Variants in CNTN1 observed in about 807,000 individuals in gnomAD.
CNTN1 encodes the protein contactin 1, also known as contactin-1.
Under a neutral mutation model 126.4 loss-of-function variants are expected in CNTN1, and 38 were observed. The observed-to-expected ratio is 0.30, with a 90% CI of 0.23 to 0.39. The LOEUF (loss-of-function observed/expected upper bound fraction) is 0.39. Among genes scored for constraint, CNTN1 ranks in the 10% least tolerant of loss-of-function variants. The probability of loss-of-function intolerance (pLI) is 1.00; values close to 1 mark genes in which losing one functional copy is unlikely to be tolerated. For missense variants in CNTN1, 1,009 were observed against 1,248.4 expected, an observed-to-expected ratio of 0.81 and a Z score of 2.89; for synonymous variants, 413 against 422.6, an observed-to-expected ratio of 0.98 and a Z score of 0.28.
At chr12:40,974,047 C>T (rs545715813) in intron 15 of CNTN1, among the ~76,000 whole-genome samples, 3 of 152,214 alleles carry the variant, frequency 2.0e-5, no homozygotes, top group Admixed American at 6.6e-5. Flanking sequence ...AATGTTACTA[C>T]ATTTTTAAAG....
intron 1 of CNTN1, among the ~76,000 whole-genome samples, chr12:40,824,289 A>G (rs1465046253): frequency 1.3e-5 from 2 of 152,118 alleles, no homozygotes; most frequent in African/African-American, 2.4e-5. Context: ...CTCAAAGCTT[A>G]TCATGTAATG....
At chr12:40,852,349 G>A (rs977493982) in intron 1 of CNTN1, among the ~76,000 whole-genome samples, 10 of 152,168 alleles carry the variant, frequency 6.6e-5, no homozygotes, top group Non-Finnish European at 1.3e-4. Context: ...GTTCAGAGAA[G>A]TTGGCTTTTG....
chr12:40,707,027 CGT>C (rs1941760663), intron 1 of CNTN1, among the ~76,000 whole-genome samples: 1 of 143,616 alleles, frequency 7.0e-6, no homozygotes, highest in Admixed American at 6.9e-5. Context: ...CATATAAAGA[CGT>C]GCGCGCGCGC....
chr12:40,742,511 T>C (rs1053757403), intron 1 of CNTN1: 1 of 151,972 alleles, frequency 6.6e-6, no homozygotes, highest in Non-Finnish European at 1.5e-5. Flanking sequence ...CTCTTTCATC[T>C]TTCTTCTTTA....
chr12:40,846,175 G>T (rs1284990488), intron 1 of CNTN1, among the ~76,000 whole-genome samples: 2 of 152,006 alleles, frequency 1.3e-5, no homozygotes, highest in Non-Finnish European at 2.9e-5. Context: ...TAAATAAATG[G>T]CAGGGATTGG....
chr12:40,828,079 T>A (rs539781182), intron 1 of CNTN1: 1 of 152,174 alleles, frequency 6.6e-6, no homozygotes, highest in Non-Finnish European at 1.5e-5. Flanking sequence ...AAAGTATTGC[T>A]ATGTAGACAG....
chr12:40,906,229 C>A (rs1489140691), intron 1 of CNTN1, among the ~76,000 whole-genome samples: 1 of 152,134 alleles, frequency 6.6e-6, no homozygotes. Flanking sequence ...CGAGACTGCA[C>A]CACTGCACTC....
At position 40,885,364 on chromosome 12, in the gene CNTN1, A is replaced by T. The variant is rs140585258; in HGVS notation, c.-76-22993A>T. Among the ~76,000 whole-genome samples the T allele has an allele frequency of 8.4e-3, 1,276 of 152,050 alleles. 10 individuals are homozygous for T. The highest frequency in any genetic ancestry group is 0.014 in the Non-Finnish European group (943 of 67,824). On this transcript the variant is annotated intron_variant, in intron 1 of 23. Transcript: ENST00000551295. ...ATAGAATCTGTTTGTTCTGTAAAGA[A>T]CACCATTTTTTATGAAGTTTTTATT...
intron 1 of CNTN1, among the ~76,000 whole-genome samples, chr12:40,780,686 G>A (rs374014417): frequency 0.013 from 1,630 of 127,786 alleles, no homozygotes; most frequent in Non-Finnish European, 0.016. Flanking sequence ...TTCCATCTAA[G>A]AAAAAAAAAA....
intron 17 of CNTN1, among the ~76,000 whole-genome samples, chr12:41,004,750 A>G (rs1436402740): frequency 1.3e-5 from 2 of 152,342 alleles, no homozygotes; most frequent in Non-Finnish European, 2.9e-5. Context: ...CTAGGATTGC[A>G]AACCCTACTT....
Position 40,822,148 on chromosome 12 carries a change from C to CTTTTTTT in CNTN1, c.-76-86191_-76-86185dup, listed in dbSNP as rs777953120. Among the ~76,000 whole-genome samples, 53 of 47,262 alleles carry CTTTTTTT rather than the reference C, an allele frequency of 1.1e-3. 7 individuals are homozygous for CTTTTTTT. Among genetic ancestry groups the CTTTTTTT allele is most frequent in the East Asian group, 3.7e-3 (4 of 1,068 alleles). 31.0% of individuals were successfully genotyped at this position (47,262 alleles called of 152,430 possible). ...TTTCCAGTCTAGACAAAATATAAAT[C>CTTTTTTT]TTTTTTTTTTTTTTTTTTTTTTTTG... On this transcript the variant is annotated intron_variant, in intron 1 of 23. Coordinates refer to ENST00000551295, the MANE Select transcript of CNTN1 (RefSeq NM_001843.4).
chr12:40,734,154 T>C (rs1942563055), intron 1 of CNTN1, among the ~76,000 whole-genome samples: 2 of 152,152 alleles, frequency 1.3e-5, no homozygotes, highest in East Asian at 3.9e-4. Flanking sequence ...CTGCTTTATG[T>C]AATTGCTGTC....
At position 40,813,093 on chromosome 12, in the gene CNTN1, TTC is replaced by T. The variant is rs768441651; in HGVS notation, c.-76-95260_-76-95259del. ...TTCCTTCCTTCCTTCCTTCCTTTCT[TTC>T]TCTTTCTTTTTTTCTTTCTTTCTTT... On this transcript the variant is annotated intron_variant, in intron 1 of 23. Coordinates refer to ENST00000551295, the MANE Select transcript of CNTN1 (RefSeq NM_001843.4). Among the ~76,000 whole-genome samples the T allele has an allele frequency of 4.6e-4, 67 of 146,152 alleles. No individual in the cohort carries two copies. The South Asian group carries it at 4.8e-3, about 11-fold the overall frequency.
intron 1 of CNTN1, among the ~76,000 whole-genome samples, chr12:40,707,164 T>G (rs1044238066): frequency 6.6e-6 from 1 of 151,648 alleles, no homozygotes; most frequent in African/African-American, 2.4e-5. Flanking sequence ...CCATCACCAT[T>G]ACTTCTTTCT....
intron 17 of CNTN1, among the ~76,000 whole-genome samples, chr12:41,010,360 C>T (rs535865950): frequency 9.8e-5 from 15 of 152,330 alleles, no homozygotes; most frequent in Admixed American, 5.2e-4. Context: ...TGCCTGGGCA[C>T]TCTTTCTTAA....
intron 17 of CNTN1, among the ~76,000 whole-genome samples, chr12:41,013,074 T>A (rs1948701333): frequency 6.6e-6 from 1 of 151,912 alleles, no homozygotes; most frequent in Admixed American, 6.6e-5. Flanking sequence ...ATGCGCTGGA[T>A]TTTATAGTCA....
intron 23 of CNTN1, among the ~76,000 whole-genome samples, chr12:41,039,015 C>T (rs1332260644): frequency 6.6e-6 from 1 of 152,128 alleles, no homozygotes; most frequent in Non-Finnish European, 1.5e-5. Context: ...GTTCAAGGAA[C>T]AGCAAGGAGA....
chr12:40,823,205 A>T (rs768255689), intron 1 of CNTN1, among the ~76,000 whole-genome samples: 1 of 152,036 alleles, frequency 6.6e-6, no homozygotes, highest in African/African-American at 2.4e-5. Flanking sequence ...TACTATAAAT[A>T]CTTTTTATAT....
chr12:41,061,248 T>C (rs2121107001), intron 23 of CNTN1, among the ~76,000 whole-genome samples: 1 of 152,320 alleles, frequency 6.6e-6, no homozygotes, highest in Non-Finnish European at 1.5e-5. Context: ...TTATAAAAGC[T>C]AGAAGTTGCT....
Sources: gnomAD v4.1 joint callset for allele counts (sites outside exome capture counted in the v4.1 genomes callset) on GRCh38, gnomAD v4.1.1 for gene constraint, MANE v1.5 for transcripts, NCBI Gene and HGNC (gene_info 2026-07-23, HGNC 2026-07-21) for gene names.